Variants in NEBL observed in about 807,000 individuals in gnomAD.
NEBL encodes LIM and SH3 protein 2.
In NEBL, 122 loss-of-function variants were observed where a neutral mutation model predicts 140.2. The ratio of observed to expected loss-of-function variants is 0.87; its 90% CI spans 0.75 to 1.01. The LOEUF (loss-of-function observed/expected upper bound fraction) is 1.01. Among genes scored for constraint, NEBL ranks in the 50% least tolerant of loss-of-function variants. The pLI is 0.00. For missense variants in NEBL, 1,365 were observed against 1,231.3 expected (o/e 1.11, Z -1.62); for synonymous variants, 436 against 398.9 (o/e 1.09, Z -1.11).
At chr10:21,079,486 A>G (rs1589214398) in intron 2 of NEBL, among the ~76,000 whole-genome samples, 1 of 152,320 alleles carries the variant, frequency 6.6e-6, no homozygotes, top group South Asian at 2.1e-4. Context: ...GGCACACAGA[A>G]TTTGTGGATC....
chr10:20,882,179 G>A (rs1227037721), intron 4 of NEBL, among the ~76,000 whole-genome samples: 2 of 136,164 alleles, frequency 1.5e-5, no homozygotes, highest in African/African-American at 2.8e-5. Context: ...AAAGAAAGAA[G>A]GAAAGACAGA....
intron 4 of NEBL, among the ~76,000 whole-genome samples, chr10:20,918,640 A>T (rs2131491499): frequency 6.6e-6 from 1 of 152,054 alleles, no homozygotes; most frequent in South Asian, 2.1e-4. Flanking sequence ...CAAGGTCAGG[A>T]GATCGAGACC....
intron 3 of NEBL, among the ~76,000 whole-genome samples, chr10:21,244,240 A>T (rs1458421050): frequency 2.0e-5 from 3 of 151,762 alleles, no homozygotes; most frequent in Non-Finnish European, 4.4e-5. Flanking sequence ...ATCTTGGCTC[A>T]CTGCAACCTC....
chr10:20,809,548 C>G (rs1222595689), intron 25 of NEBL, among the ~76,000 whole-genome samples: 1 of 151,790 alleles, frequency 6.6e-6, no homozygotes, highest in Non-Finnish European at 1.5e-5. Context: ...ATTTGTAAAC[C>G]CAGAAATAAT....
chr10:21,010,138 T>C (rs1838280000), intron 3 of NEBL, among the ~76,000 whole-genome samples: 1 of 152,236 alleles, frequency 6.6e-6, no homozygotes. Flanking sequence ...ATGAGCCTGT[T>C]AATTTAATGA....
At chr10:20,843,366 A>G (rs1339032842) in intron 12 of NEBL, among the ~76,000 whole-genome samples, 1 of 152,026 alleles carries the variant, frequency 6.6e-6, no homozygotes, top group Non-Finnish European at 1.5e-5. Context: ...ACAGACCAAT[A>G]CAATACAGTG....
chr10:20,985,092 A>G (rs1837204263), intron 3 of NEBL, among the ~76,000 whole-genome samples: 1 of 152,176 alleles, frequency 6.6e-6, no homozygotes, highest in African/African-American at 2.4e-5. Context: ...TTGTATAATT[A>G]TTTAATTATG....
At chr10:21,053,372 C>T (rs779667700) in intron 2 of NEBL, among the ~76,000 whole-genome samples, 6 of 152,030 alleles carry the variant, frequency 3.9e-5, no homozygotes, top group Admixed American at 2.0e-4. Flanking sequence ...TCTGTGAGTC[C>T]CTGCATACTC....
At chr10:21,167,814 C>G (rs935968709) in intron 2 of NEBL, among the ~76,000 whole-genome samples, 3 of 152,082 alleles carry the variant, frequency 2.0e-5, no homozygotes, top group Non-Finnish European at 4.4e-5. Flanking sequence ...TTTCTCGGCA[C>G]CTCTTAGTGA....
chr10:20,885,312 G>A (rs377222699), intron 4 of NEBL, among the ~76,000 whole-genome samples: 6 of 152,192 alleles, frequency 3.9e-5, no homozygotes, highest in African/African-American at 9.7e-5. Context: ...ATCGATGTAC[G>A]TAAATCTAAA....
At chr10:21,105,362 G>T (rs919754406) in intron 2 of NEBL, among the ~76,000 whole-genome samples, 17 of 151,794 alleles carry the variant, frequency 1.1e-4, no homozygotes, top group Admixed American at 7.9e-4. Context: ...ACAGGCCCCA[G>T]TGTGTGATGT....
chr10:21,038,378 C>A (rs1038404856), intron 2 of NEBL, among the ~76,000 whole-genome samples: 2 of 152,160 alleles, frequency 1.3e-5, no homozygotes, highest in Non-Finnish European at 2.9e-5. Flanking sequence ...CAGCCCCTGG[C>A]AGGCCTCGGT....
At chr10:21,043,398 T>C (rs916569688) in intron 2 of NEBL, among the ~76,000 whole-genome samples, 2 of 152,252 alleles carry the variant, frequency 1.3e-5, no homozygotes, top group Non-Finnish European at 2.9e-5. Flanking sequence ...TCGAGTGTGC[T>C]TTCTATGCAC....
intron 3 of NEBL, among the ~76,000 whole-genome samples, chr10:21,241,483 C>T (rs1842439735): frequency 6.6e-6 from 1 of 152,100 alleles, no homozygotes; most frequent in Admixed American, 6.6e-5. Context: ...GTATGTTTTG[C>T]AATGAAGTCA....
At position 20,910,378 on chromosome 10, in the gene NEBL, G is replaced by A. The variant is rs572010733; in HGVS notation, c.357+51294C>T. On this transcript the variant is annotated intron_variant, in intron 4 of 6. Transcript: ENST00000417816. ...CCACTTAAGTTCCTTATGTTATACCGAAAAGTTAAAACACATGCATCAGAT... is the reference window on the plus strand; with the variant it reads ...CCACTTAAGTTCCTTATGTTATACCAAAAAGTTAAAACACATGCATCAGAT... 5.9e-5 allele frequency among the ~76,000 whole-genome samples: 9 copies of A among 152,192 alleles called. No individual in the cohort carries two copies. The South Asian group carries it at 1.2e-3, about 21-fold the overall frequency.
chr10:21,126,064 C>G, intron 2 of NEBL: 15 of 1,614,130 alleles, frequency 9.3e-6, no homozygotes, highest in Non-Finnish European at 1.3e-5. Flanking sequence ...TCTGGTCTCC[C>G]CAACCAGCTT....
At chr10:21,176,400 A>G (rs151118164), upstream of NEBL, among the ~76,000 whole-genome samples, 1,176 of 152,302 alleles carry the variant, frequency 7.7e-3, 13 homozygotes, top group Non-Finnish European at 0.012. Flanking sequence ...TTCATGTGAT[A>G]TTTTATTCTC....
chr10:21,091,455 TAGGC>T (rs1206107440), intron 2 of NEBL, among the ~76,000 whole-genome samples: 1 of 152,150 alleles, frequency 6.6e-6, no homozygotes, highest in Non-Finnish European at 1.5e-5. Context: ...ATGAGACAAA[TAGGC>T]AGCCTACAAA....
intron 4 of NEBL, among the ~76,000 whole-genome samples, chr10:20,955,972 C>G (rs1005646331): frequency 2.0e-5 from 3 of 151,666 alleles, no homozygotes; most frequent in Admixed American, 6.6e-5. Context: ...CTCAAACCTC[C>G]CCTTTAGACA....
Sources: gnomAD v4.1 joint callset for allele counts (sites outside exome capture counted in the v4.1 genomes callset) on GRCh38, gnomAD v4.1.1 for gene constraint, MANE v1.5 for transcripts, NCBI Gene and HGNC (gene_info 2026-07-23, HGNC 2026-07-21) for gene names.